TNRC6B: variants seen among roughly 807,000 people sequenced by gnomAD.
TNRC6B encodes the protein trinucleotide repeat containing adaptor 6B, also known as trinucleotide repeat-containing gene 6B protein.
TNRC6B carries 52 observed loss-of-function variants against 203.6 expected under a neutral mutation model. The ratio of observed to expected loss-of-function variants is 0.26; its 90% CI spans 0.20 to 0.32. The LOEUF is 0.32. Among genes scored for constraint, TNRC6B ranks in the 10% least tolerant of loss-of-function variants. TNRC6B has a pLI of 1.00. For missense variants in TNRC6B, 1,923 were observed against 2,286.2 expected, an observed-to-expected ratio of 0.84 and a Z score of 3.24; for synonymous variants, 838 against 845.7, an observed-to-expected ratio of 0.99 and a Z score of 0.16.
rs1243096120 is a variant in TNRC6B at position 40,265,397 on chromosome 22, G to C, written c.1167G>C (p.Met389Ile). ...TGAACTTAAGTTCACCAAACCCCAT[G>C]GAGAATAAGGGAATGCCCTTTGGAA... ...NSLNLSSPNP[M>I]ENKGMPFGMG... The change falls in exon 5 of 23, where the codon ATG becomes ATC. Residue 389 changes from methionine (M) to isoleucine (I), a missense_variant. Physicochemically the swap from Met to Ile is conservative, Grantham distance 10. This residue lies in a region of TNRC6B where 614 missense variants were observed against 587.7 expected (regional missense o/e 1.04). Transcript: ENST00000454349. 1 of 1,613,888 alleles carries C rather than the reference G, an allele frequency of 6.2e-7. No individual in the cohort carries two copies. The highest frequency in any genetic ancestry group is 8.5e-7 in the Non-Finnish European group (1 of 1,179,896).
chr22:40,124,003 G>C (rs2068466587), intron 2 of TNRC6B, among the ~76,000 whole-genome samples: 1 of 151,662 alleles, frequency 6.6e-6, no homozygotes, highest in Non-Finnish European at 1.5e-5. Flanking sequence ...TTTACAGAGA[G>C]GATGGGCAAT....
At chr22:40,052,361 A>G (rs1351452550) in intron 1 of TNRC6B, among the ~76,000 whole-genome samples, 1 of 150,602 alleles carries the variant, frequency 6.6e-6, no homozygotes, top group African/African-American at 2.4e-5. Context: ...TCGGTGTCTG[A>G]TGAATTAGAA....
intron 1 of TNRC6B, among the ~76,000 whole-genome samples, chr22:40,229,094 A>G (rs2146447418): frequency 6.6e-6 from 1 of 152,348 alleles, no homozygotes; most frequent in East Asian, 1.9e-4. Flanking sequence ...TTATAAACAC[A>G]TAATATAGGT....
At chr22:40,119,641 G>A (rs1186630567) in intron 2 of TNRC6B, among the ~76,000 whole-genome samples, 1 of 152,176 alleles carries the variant, frequency 6.6e-6, no homozygotes, top group Non-Finnish European at 1.5e-5. Context: ...CTTGTGTGTT[G>A]TCTCATCATC....
chr22:40,309,712 C>G (rs1052135800), intron 16 of TNRC6B, among the ~76,000 whole-genome samples: 1 of 152,190 alleles, frequency 6.6e-6, no homozygotes. Flanking sequence ...GAGGATATCT[C>G]AAAGGCAAAA....
intron 1 of TNRC6B, among the ~76,000 whole-genome samples, chr22:40,065,097 C>T (rs2067884767): frequency 6.6e-6 from 1 of 150,682 alleles, no homozygotes; most frequent in South Asian, 2.1e-4. Flanking sequence ...GGAAGTGTTC[C>T]CTTCGTTTTT....
In TNRC6B at chr22:40,266,102, C is replaced by T; in HGVS notation, c.1872C>T (p.Gly624=). 1 of 1,613,826 alleles carries T rather than the reference C, an allele frequency of 6.2e-7. No homozygotes were observed. The highest frequency in any genetic ancestry group is 8.5e-7 in the Non-Finnish European group (1 of 1,179,904). The change falls in exon 5 of 23, where the codon GGC becomes GGT. Residue 624 remains glycine (G), a synonymous_variant. Coordinates refer to ENST00000454349, the MANE Select transcript of TNRC6B (RefSeq NM_001162501.2). ...GGGTGCTCTCAAACACTGGCTGGGGCCAAACTCAAATTAAGCAGGACACAG... is the reference window on the plus strand; with the variant it reads ...GGGTGCTCTCAAACACTGGCTGGGGTCAAACTCAAATTAAGCAGGACACAG... The part of the protein sequence containing the change: ...DPRVLSNTGW[G]QTQIKQDTVW...
intron 22 of TNRC6B, 116 bp downstream of exon 22, chr22:40,321,345 C>A: frequency 3.3e-6 from 4 of 1,214,740 alleles, no homozygotes; most frequent in Non-Finnish European, 4.6e-6. Context: ...ATGGCACCGT[C>A]ACACGTGCAT....
chr22:40,147,025 C>T (rs1035078563), intron 3 of TNRC6B, among the ~76,000 whole-genome samples: 3 of 151,972 alleles, frequency 2.0e-5, no homozygotes, highest in South Asian at 2.1e-4. Flanking sequence ...TTCACAATAG[C>T]GAAAAGGTGG....
At chr22:40,121,390 T>G (rs2068444228) in intron 2 of TNRC6B, among the ~76,000 whole-genome samples, 1 of 152,278 alleles carries the variant, frequency 6.6e-6, no homozygotes. Flanking sequence ...TCAGCTGCTT[T>G]GCAGCTTATA....
Position 40,264,981 on chromosome 22 carries a change from G to T in TNRC6B, c.751G>T (p.Gly251Trp). ...GAGCCAGTGCCAGTCTGCAAGTTCTGGGAACGAATGTAATCTTGGGGTCTG... is the reference window on the plus strand; with the variant it reads ...GAGCCAGTGCCAGTCTGCAAGTTCTTGGAACGAATGTAATCTTGGGGTCTG... Reference protein sequence around the residue: ...KGSQCQSASSGNECNLGVWKS... With the variant: ...KGSQCQSASSWNECNLGVWKS... Residue 251 changes from glycine to tryptophan, a missense_variant, in exon 5 of 23, where the codon GGG becomes TGG. This residue lies in a region of TNRC6B where 614 missense variants were observed against 587.7 expected (regional missense o/e 1.04). Transcript: ENST00000454349. 6.2e-7 allele frequency: 1 copy of T among 1,613,900 alleles called. No homozygotes were observed. Among genetic ancestry groups the T allele is most frequent in the Non-Finnish European group, 8.5e-7 (1 of 1,179,884 alleles).
chr22:40,285,612 C>T, intron 11 of TNRC6B, 33 bp from the exon 12 acceptor site: 1 of 1,595,722 alleles, frequency 6.3e-7, no homozygotes, highest in African/African-American at 1.3e-5. Flanking sequence ...CTTATGTTAA[C>T]AAAAAGCCTT....
intron 1 of TNRC6B, among the ~76,000 whole-genome samples, chr22:40,073,410 G>T (rs1204482293): frequency 6.6e-6 from 1 of 152,020 alleles, no homozygotes; most frequent in Non-Finnish European, 1.5e-5. Context: ...GCTGGAAACT[G>T]TTGGGGGTGG....
intron 12 of TNRC6B, among the ~76,000 whole-genome samples, chr22:40,294,422 CT>C (rs2070912029): frequency 1.3e-5 from 2 of 152,178 alleles, no homozygotes; most frequent in Non-Finnish European, 2.9e-5. Context: ...AAATTTCCCT[CT>C]TCATATGAGG....
intron 4 of TNRC6B, among the ~76,000 whole-genome samples, chr22:40,165,760 G>A (rs2068914127): frequency 2.6e-5 from 4 of 152,104 alleles, no homozygotes; most frequent in African/African-American, 9.7e-5. Flanking sequence ...CAATGGGGGG[G>A]AAAGCTCCTT....
chr22:40,141,453 C>T (rs1406028898), intron 3 of TNRC6B, among the ~76,000 whole-genome samples: 5 of 151,994 alleles, frequency 3.3e-5, no homozygotes, highest in Non-Finnish European at 7.4e-5. Flanking sequence ...CCACTTTGGC[C>T]TCCCAAAGTG....
intron 1 of TNRC6B, among the ~76,000 whole-genome samples, chr22:40,188,959 G>A (rs1264472496): frequency 2.6e-5 from 4 of 152,032 alleles, no homozygotes; most frequent in Admixed American, 6.6e-5. Flanking sequence ...GTCTTACCAT[G>A]GTTTCAAAAC....
In TNRC6B at chr22:40,266,151, A is replaced by T; in HGVS notation, c.1921A>T (p.Arg641Trp). ...AGTGTGGGACATTGAAGAGGTGCCA[A>T]GGCCTGAGGGGAAATCTGACAAAGG... ...DTVWDIEEVP[R>W]PEGKSDKGTE... Residue 641 changes from arginine to tryptophan, a missense_variant, in exon 5 of 23, where the codon AGG becomes TGG. Physicochemically the swap from Arg to Trp is moderately radical, Grantham distance 101. Coordinates refer to ENST00000454349, the MANE Select transcript of TNRC6B (RefSeq NM_001162501.2). The T allele has an allele frequency of 6.2e-7, 1 of 1,613,978 alleles. No individual in the cohort carries two copies. Among genetic ancestry groups the T allele is most frequent in the Non-Finnish European group, 8.5e-7 (1 of 1,179,882 alleles).
At chr22:40,159,056 G>A (rs1460592942) in intron 4 of TNRC6B, among the ~76,000 whole-genome samples, 2 of 151,646 alleles carry the variant, frequency 1.3e-5, no homozygotes, top group African/African-American at 2.4e-5. Context: ...TCCGCCTCCC[G>A]GGTTCACGCC....
Sources: allele counts gnomAD v4.1 joint callset (sites outside exome capture counted in the v4.1 genomes callset), GRCh38; gene constraint gnomAD v4.1.1; regional missense constraint gnomAD v4.1.1; transcripts MANE v1.5; gene names NCBI Gene and HGNC (gene_info 2026-07-23, HGNC 2026-07-21).